Variants in ANKS1A observed in about 807,000 individuals in gnomAD.
ANKS1A encodes the protein ankyrin repeat and SAM domain-containing protein 1A.
In ANKS1A, 55 loss-of-function variants were observed where a neutral mutation model predicts 120.3. The ratio of observed to expected loss-of-function variants is 0.46; its 90% CI spans 0.37 to 0.57. The LOEUF is 0.57. Among genes scored for constraint, ANKS1A ranks in the 20% least tolerant of loss-of-function variants. The pLI is 0.00. For synonymous variants in ANKS1A, 590 were observed against 604.7 expected (o/e 0.98, Z 0.36); for missense variants, 1,123 against 1,480.3 (o/e 0.76, Z 3.96).
intron 1 of ANKS1A, among the ~76,000 whole-genome samples, chr6:34,943,591 TC>T (rs1232767100): frequency 2.0e-5 from 3 of 152,144 alleles, no homozygotes; most frequent in Non-Finnish European, 2.9e-5. Context: ...TCACCTGTCT[TC>T]CCTCCCCGTT....
chr6:35,040,914 T>C lies in ANKS1A; in HGVS notation c.2011-13185T>C, dbSNP rs1007489085. Among the ~76,000 whole-genome samples the C allele has an allele frequency of 2.6e-5, 4 of 152,332 alleles. No individual in the cohort carries two copies. The East Asian group carries it at 7.7e-4, about 29-fold the overall frequency. On this transcript the variant is annotated intron_variant, in intron 11 of 23. Coordinates refer to ENST00000360359, the MANE Select transcript of ANKS1A (RefSeq NM_015245.3). ...TCTGCCTCCACTGTGTCTTCCCTCT[T>C]CCCTCGTATCCCAGAACTCTGGGGA...
At position 34,982,060 on chromosome 6, in the gene ANKS1A, G is replaced by A. The variant is rs371417756; in HGVS notation, c.732+74G>A. The A allele has an allele frequency of 3.3e-6, 5 of 1,527,504 alleles. No individual in the cohort carries two copies. Among genetic ancestry groups the A allele is most frequent in the South Asian group, 2.5e-5 (2 of 80,354 alleles). The allele number at this position is 1,527,504 out of a possible 1,614,324, so 94.6% of individuals were successfully genotyped here. A position where few individuals can be genotyped will look rare whatever the true frequency, so the allele number is the denominator to read the frequency against. ...TTGCAGAAGGCACAAGGACCATGCT[G>A]CTGGGCTGTGCTCTTTATTTAGCAC... On this transcript the variant is annotated intron_variant, in intron 4 of 23. Coordinates refer to ENST00000360359, the MANE Select transcript of ANKS1A (RefSeq NM_015245.3). The surrounding 1 kb of genome is among the most constrained non-coding windows in gnomAD (Gnocchi z 4.9).
chr6:34,962,491 T>G (rs1381693803), intron 1 of ANKS1A, among the ~76,000 whole-genome samples: 1 of 152,114 alleles, frequency 6.6e-6, no homozygotes, highest in African/African-American at 2.4e-5. Flanking sequence ...TGAGAACACT[T>G]AAAAACCAAC....
In ANKS1A at chr6:35,088,644, A is replaced by T. The variant is rs1461678895; in HGVS notation, c.*35A>T. 1 of 1,614,218 alleles carries T rather than the reference A, an allele frequency of 6.2e-7. No individual in the cohort carries two copies. The highest frequency in any genetic ancestry group is 8.5e-7 in the Non-Finnish European group (1 of 1,180,024). Reference sequence around the variant, plus strand: ...GAACCACACTGTGCTGCGGAAACATAGACGTGGGGGCATAGGCTCCCACTG... The same window carrying T: ...GAACCACACTGTGCTGCGGAAACATTGACGTGGGGGCATAGGCTCCCACTG... On this transcript the variant is annotated 3_prime_UTR_variant, in exon 24 of 24. Coordinates refer to ENST00000360359, the MANE Select transcript of ANKS1A (RefSeq NM_015245.3).
chr6:34,918,937 C>T (rs978895983), intron 1 of ANKS1A, among the ~76,000 whole-genome samples: 20 of 152,234 alleles, frequency 1.3e-4, no homozygotes, highest in African/African-American at 4.3e-4. Context: ...CTGCAACACC[C>T]GCCTCCCGGG....
intron 1 of ANKS1A, among the ~76,000 whole-genome samples, chr6:34,912,132 C>T (rs1767935883): frequency 6.6e-6 from 1 of 152,124 alleles, no homozygotes; most frequent in African/African-American, 2.4e-5. Flanking sequence ...AATCTGACAC[C>T]TTGAATGATT....
chr6:35,053,895 A>T lies in ANKS1A; in HGVS notation c.2011-204A>T, dbSNP rs533119796. Among the ~76,000 whole-genome samples the T allele has an allele frequency of 7.2e-5, 11 of 152,344 alleles. 4 individuals carry two copies. Among genetic ancestry groups the T allele is most frequent in the African/African-American group, 2.6e-4 (11 of 41,582 alleles). On this transcript the variant is annotated intron_variant, in intron 11 of 23. Transcript: ENST00000360359. ...GTCACCATCTCACTCCCTTCAGAGCAGTACATCGGACCCTGTGGGCTGGGG... is the reference window on the plus strand; with the variant it reads ...GTCACCATCTCACTCCCTTCAGAGCTGTACATCGGACCCTGTGGGCTGGGG...
intron 1 of ANKS1A, among the ~76,000 whole-genome samples, chr6:34,949,617 A>G (rs192145139): frequency 6.6e-6 from 1 of 152,308 alleles, no homozygotes; most frequent in East Asian, 1.9e-4. Context: ...TATAAAATAA[A>G]TATCTGGGAT....
chr6:34,945,063 C>A (rs1191617323), intron 1 of ANKS1A, among the ~76,000 whole-genome samples: 2 of 152,026 alleles, frequency 1.3e-5, no homozygotes, highest in Non-Finnish European at 2.9e-5. Flanking sequence ...ACATTAAGAT[C>A]TATGATCTAT....
intron 13 of ANKS1A, chr6:35,070,996 G>T: frequency 1.9e-6 from 1 of 539,138 alleles, no homozygotes; most frequent in Non-Finnish European, 3.5e-6. Flanking sequence ...TTTTACAGAG[G>T]CCTGCCCATT....
intron 12 of ANKS1A, among the ~76,000 whole-genome samples, chr6:35,054,529 A>T (rs1201684344): frequency 6.6e-6 from 1 of 152,202 alleles, no homozygotes; most frequent in African/African-American, 2.4e-5. Context: ...GATGGCTCTC[A>T]AGAGTCTCAT....
chr6:34,909,022 A>G (rs1280799593), intron 1 of ANKS1A, among the ~76,000 whole-genome samples: 1 of 152,244 alleles, frequency 6.6e-6, no homozygotes, highest in Non-Finnish European at 1.5e-5. Context: ...CACATCTGTT[A>G]TCATCATGAA....
Position 34,904,605 on chromosome 6 carries a change from G to A in ANKS1A, c.197+15006G>A, listed in dbSNP as rs532157439. 1.3e-3 allele frequency among the ~76,000 whole-genome samples: 198 copies of A among 152,216 alleles called. 8 individuals carry two copies. In the South Asian group the frequency reaches 0.039, roughly 30 times the overall value. On this transcript the variant is annotated intron_variant, in intron 1 of 23. Transcript: ENST00000360359. ...AAATTAGCTGTGTGTGGTGGCGCAC[G>A]CCTGCAGTCCCAGCTACTTGGGAGG...
chr6:35,062,082 G>A (rs1468031093), intron 13 of ANKS1A, among the ~76,000 whole-genome samples: 3 of 152,388 alleles, frequency 2.0e-5, no homozygotes, highest in East Asian at 1.9e-4. Context: ...AGCTGAGCAG[G>A]CCTTTGGAGA....
At chr6:34,983,086 C>T in intron 5 of ANKS1A, 27 bp from the exon 6 acceptor site, 1 of 1,604,534 alleles carries the variant, frequency 6.2e-7, no homozygotes, top group Non-Finnish European at 8.5e-7. Context: ...TGCTCACTCC[C>T]CTGGTCCACC....
rs1778289558 is a variant in ANKS1A at position 35,091,213 on chromosome 6, ATCTG to A, written c.*2609_*2612del. 9.1e-6 allele frequency: 9 copies of A among 985,756 alleles called. No homozygotes were observed. Among genetic ancestry groups the A allele is most frequent in the South Asian group, 4.7e-5 (1 of 21,290 alleles). 61.1% of individuals were successfully genotyped at this position (985,756 alleles called of 1,614,324 possible). A position where few individuals can be genotyped will look rare whatever the true frequency, so the allele number is the denominator to read the frequency against. On this transcript the variant is annotated 3_prime_UTR_variant, in exon 24 of 24. Transcript: ENST00000360359. ...TGTTTTACTGTATATAAAATTGTTA[ATCTG>A]TCTGATTTTGTCTGAATTATAAACA...
Position 35,089,607 on chromosome 6 carries a change from C to T in ANKS1A, c.*998C>T. The T allele has an allele frequency of 1.0e-6, 1 of 986,686 alleles. No individual in the cohort carries two copies. Among genetic ancestry groups the T allele is most frequent in the Non-Finnish European group, 1.2e-6 (1 of 830,586 alleles). 61.1% of individuals were successfully genotyped at this position (986,686 alleles called of 1,614,324 possible). Reference sequence around the variant, plus strand: ...TTGACGGTTACACTTGGCTGCTGGGCCCATCCCTGGCCCCCGGTGTGGAAA... The same window carrying T: ...TTGACGGTTACACTTGGCTGCTGGGTCCATCCCTGGCCCCCGGTGTGGAAA... On this transcript the variant is annotated 3_prime_UTR_variant, in exon 24 of 24. Coordinates refer to ENST00000360359, the MANE Select transcript of ANKS1A (RefSeq NM_015245.3).
chr6:35,093,730 C>T (rs1363540169), downstream of ANKS1A, among the ~76,000 whole-genome samples: 1 of 152,150 alleles, frequency 6.6e-6, no homozygotes, highest in Non-Finnish European at 1.5e-5. Flanking sequence ...AGACAAAAAC[C>T]TGTTCTTCCC....
In ANKS1A at chr6:35,091,336, T is replaced by TTTTG. The variant is rs1327318153; in HGVS notation, c.*2730_*2733dup. ...AATATTTCTGGGCTTCCAGCTTTGG[T>TTTTG]TTTGTTATTTTCATAACTGTACACA... On this transcript the variant is annotated 3_prime_UTR_variant, in exon 24 of 24. Transcript: ENST00000360359. 2 of 985,556 alleles carry TTTTG rather than the reference T, an allele frequency of 2.0e-6. No homozygotes were observed. The highest frequency in any genetic ancestry group is 3.5e-5 in the African/African-American group (2 of 57,248). The allele number at this position is 985,556 out of a possible 1,614,324, so 61.1% of individuals were successfully genotyped here.
Sources: gnomAD v4.1 joint callset for allele counts (sites outside exome capture counted in the v4.1 genomes callset) on GRCh38, gnomAD v4.1.1 for gene constraint, Gnocchi (gnomAD v3.1) non-coding constraint, MANE v1.5 for transcripts, NCBI Gene and HGNC (gene_info 2026-07-23, HGNC 2026-07-21) for gene names.